Variants in ADHFE1 observed in about 807,000 individuals in gnomAD.
ADHFE1 encodes alcohol dehydrogenase iron containing 1.
A neutral mutation model predicts 54.8 loss-of-function variants in ADHFE1; 37 were observed. The observed-to-expected ratio is 0.68, with a 90% CI of 0.52 to 0.89. The LOEUF (loss-of-function observed/expected upper bound fraction) is 0.89, where lower values mean the gene tolerates loss of function less well. Ranked by LOEUF, ADHFE1 falls within the 40% of genes least tolerant of loss-of-function variation. The probability of loss-of-function intolerance (pLI) is 0.00; values close to 1 mark genes in which losing one functional copy is unlikely to be tolerated. For synonymous variants in ADHFE1, 203 were observed against 229.3 expected, an observed-to-expected ratio of 0.89 and a Z score of 1.04; for missense variants, 601 against 591.2, an observed-to-expected ratio of 1.02 and a Z score of -0.17.
chr8:66,445,123 A>C, intron 5 of ADHFE1, 95 bp from the exon 6 acceptor site: 1 of 1,256,048 alleles, frequency 8.0e-7, no homozygotes, highest in Non-Finnish European at 1.1e-6. Context: ...AAAACAAAAA[A>C]AACCCCACAA....
At chr8:66,440,056 T>C (rs917007219) in intron 1 of ADHFE1, 106 bp from the exon 2 acceptor site, 2 of 1,068,862 alleles carry the variant, frequency 1.9e-6, no homozygotes, top group African/African-American at 3.2e-5. Context: ...ACCAATTTGA[T>C]AGCATCTTAG....
chr8:66,446,856 A>G (rs1806062223), intron 6 of ADHFE1, among the ~76,000 whole-genome samples: 1 of 152,236 alleles, frequency 6.6e-6, no homozygotes, highest in African/African-American at 2.4e-5. Context: ...CATTATGCAT[A>G]TTAAACAACA....
rs576967309 is a variant in ADHFE1 at position 66,436,122 on chromosome 8, G to T, written c.59+3547G>T. Among the ~76,000 whole-genome samples, 13 of 152,092 alleles carry T rather than the reference G, an allele frequency of 8.5e-5. No individual in the cohort carries two copies. The East Asian group carries it at 2.3e-3, about 27-fold the overall frequency. On this transcript the variant is annotated intron_variant, in intron 1 of 13. Transcript: ENST00000396623. ...GTAGAGATGGGGTTTTGCCATGTTA[G>T]CCAGGCTGGTCTTGAACTCCTGACC... is the stretch of plus-strand genomic sequence containing the variant.
At chr8:66,452,146 C>T (rs1248997207) in intron 9 of ADHFE1, 41 bp downstream of exon 9, 2 of 1,602,996 alleles carry the variant, frequency 1.2e-6, no homozygotes, top group Non-Finnish European at 8.5e-7. Flanking sequence ...ACAGGAGGCC[C>T]ACATTCTGCC....
chr8:66,434,628 C>T (rs1428820193), intron 1 of ADHFE1, among the ~76,000 whole-genome samples: 1 of 152,146 alleles, frequency 6.6e-6, no homozygotes, highest in African/African-American at 2.4e-5. Context: ...GGCTAGGGCA[C>T]GGGGTGATGT....
intron 4 of ADHFE1, 32 bp downstream of exon 4, chr8:66,444,452 T>C: frequency 6.2e-7 from 1 of 1,612,144 alleles, no homozygotes; most frequent in Non-Finnish European, 8.5e-7. Context: ...GGTCTCCTAC[T>C]GTAAATGTTA....
intron 12 of ADHFE1, among the ~76,000 whole-genome samples, chr8:66,457,542 A>G (rs1806653039): frequency 6.6e-6 from 1 of 151,742 alleles, no homozygotes; most frequent in Admixed American, 6.6e-5. Flanking sequence ...ATAGCTTAAT[A>G]ATGAAATGTC....
intron 13 of ADHFE1, 151 bp from the exon 14 acceptor site, chr8:66,468,118 C>T (rs1807297528): frequency 7.5e-6 from 4 of 533,648 alleles, no homozygotes; most frequent in African/African-American, 2.0e-5. Flanking sequence ...TGGGGATCAA[C>T]TCATATGAAG....
intron 12 of ADHFE1, 84 bp from the exon 13 acceptor site, chr8:66,460,224 G>T: frequency 1.9e-6 from 3 of 1,540,098 alleles, no homozygotes; most frequent in Non-Finnish European, 2.7e-6. Context: ...GGTGTGCATG[G>T]TGTATTCACT....
chr8:66,462,881 G>A lies in ADHFE1; in HGVS notation c.1320+2416G>A, dbSNP rs561875761. Among the ~76,000 whole-genome samples the A allele has an allele frequency of 2.6e-5, 4 of 152,288 alleles. No homozygotes were observed. In the East Asian group the frequency reaches 5.8e-4, roughly 22 times the overall value. On this transcript the variant is annotated intron_variant, in intron 13 of 13. Transcript: ENST00000396623. ...TCATTGCCCAGGCTGGAGGGCAGTG[G>A]TGCAATCTTGGCTCACTGCAACCTC...
chr8:66,432,770 G>A (rs1805269822), intron 1 of ADHFE1, 195 bp downstream of exon 1: 2 of 1,230,140 alleles, frequency 1.6e-6, no homozygotes, highest in African/African-American at 1.6e-5. Context: ...GCCTCTCAGG[G>A]CGCAGTGAGG....
chr8:66,451,917 G>A (rs767741862), intron 8 of ADHFE1, 36 bp from the exon 9 acceptor site: 8 of 1,604,876 alleles, frequency 5.0e-6, no homozygotes, highest in South Asian at 2.2e-5. Context: ...GGAAGATGAC[G>A]CTTTCCATCT....
chr8:66,448,320 C>T (rs1177001248), intron 7 of ADHFE1, among the ~76,000 whole-genome samples: 2 of 152,218 alleles, frequency 1.3e-5, no homozygotes, highest in Non-Finnish European at 2.9e-5. Flanking sequence ...ATGGCCAACA[C>T]TTACATTCTA....
intron 12 of ADHFE1, among the ~76,000 whole-genome samples, chr8:66,459,132 C>T (rs1428197922): frequency 1.3e-5 from 2 of 152,138 alleles, no homozygotes; most frequent in Non-Finnish European, 2.9e-5. Context: ...AAAGTAGTCA[C>T]GATCTCCTTT....
chr8:66,468,513 G>A lies in ADHFE1; in HGVS notation c.*161G>A. On this transcript the variant is annotated 3_prime_UTR_variant, in exon 14 of 14. Coordinates refer to ENST00000396623, the MANE Select transcript of ADHFE1 (RefSeq NM_144650.3). ...TGCAGGAAATTCCCCAAAGCTCAGA[G>A]TCCAGTTCCTTCCATAAAACAGGCT... is the stretch of plus-strand genomic sequence containing the variant. The A allele has an allele frequency of 2.1e-6, 1 of 487,482 alleles. No individual in the cohort carries two copies. The highest frequency in any genetic ancestry group is 2.1e-5 in the African/African-American group (1 of 48,508). 30.2% of individuals were successfully genotyped at this position (487,482 alleles called of 1,614,324 possible).
At chr8:66,446,764 A>G (rs1806053772) in intron 6 of ADHFE1, among the ~76,000 whole-genome samples, 1 of 152,238 alleles carries the variant, frequency 6.6e-6, no homozygotes, top group Non-Finnish European at 1.5e-5. Flanking sequence ...TAATGCAGAC[A>G]TGGACATCAT....
intron 2 of ADHFE1, among the ~76,000 whole-genome samples, chr8:66,441,652 T>C (rs1208751359): frequency 2.0e-5 from 3 of 152,172 alleles, no homozygotes; most frequent in Non-Finnish European, 4.4e-5. Flanking sequence ...CAGAAAATCA[T>C]TTTTACCATA....
At chr8:66,433,394 A>G (rs1805302124) in intron 1 of ADHFE1, among the ~76,000 whole-genome samples, 1 of 152,214 alleles carries the variant, frequency 6.6e-6, no homozygotes, top group South Asian at 2.1e-4. Context: ...GACGGCTGAT[A>G]AAAGACCATG....
chr8:66,454,200 T>A (rs1222594949), intron 10 of ADHFE1, 43 bp downstream of exon 10: 1 of 1,588,444 alleles, frequency 6.3e-7, no homozygotes, highest in Non-Finnish European at 8.6e-7. Context: ...AAGCTATTGC[T>A]TTAAAAAATT....
Sources: gnomAD v4.1 joint callset for allele counts (sites outside exome capture counted in the v4.1 genomes callset) on GRCh38, gnomAD v4.1.1 for gene constraint, MANE v1.5 for transcripts, NCBI Gene and HGNC (gene_info 2026-07-23, HGNC 2026-07-21) for gene names.